CDH12: variants seen among roughly 807,000 people sequenced by gnomAD.
CDH12 encodes cadherin 12.
In CDH12, 41 loss-of-function variants were observed where a neutral mutation model predicts 74.1. That is an observed-to-expected ratio of 0.55 (90% confidence interval 0.43 to 0.72). The LOEUF (loss-of-function observed/expected upper bound fraction) is 0.72. Ranked by LOEUF, CDH12 falls within the 30% of genes least tolerant of loss-of-function variation. The pLI, the probability that CDH12 is intolerant of heterozygous loss-of-function variation, is 0.00. For synonymous variants in CDH12, 399 were observed against 355.0 expected, an observed-to-expected ratio of 1.12 and a Z score of -1.39; for missense variants, 945 against 977.2, an observed-to-expected ratio of 0.97 and a Z score of 0.44.
At chr5:22,000,192 C>A (rs1430098649) in intron 5 of CDH12, among the ~76,000 whole-genome samples, 2 of 152,078 alleles carry the variant, frequency 1.3e-5, no homozygotes, top group East Asian at 1.9e-4. Context: ...GAACTCCTGG[C>A]CTTAAGCTAG....
chr5:21,847,464 T>C (rs1750234535), intron 7 of CDH12, among the ~76,000 whole-genome samples: 1 of 152,084 alleles, frequency 6.6e-6, no homozygotes, highest in Non-Finnish European at 1.5e-5. Flanking sequence ...TGGGTAGAGC[T>C]GTGATTTTTT....
In CDH12 at chr5:22,630,811, T is replaced by C. The variant is rs541849198; in HGVS notation, c.-522-125447A>G. Among the ~76,000 whole-genome samples the C allele has an allele frequency of 2.0e-5, 3 of 152,200 alleles. No homozygotes were observed. In the South Asian group the frequency reaches 6.2e-4, roughly 32 times the overall value. On this transcript the variant is annotated intron_variant, in intron 1 of 14. Transcript: ENST00000382254. ...TGAGATTTAAGTAAACTAAAGAGGT[T>C]CTGCACAACAAAGGAAACTATCAAG...
Position 22,236,083 on chromosome 5 carries a change from G to T in CDH12, c.-332-23440C>A, listed in dbSNP as rs980054248. On this transcript the variant is annotated intron_variant, in intron 3 of 14. Transcript: ENST00000382254. ...GATTAAAAATGGCATACCTGTCTGC[G>T]GCACTTATTATGACTGGGGCTTGTA... Among the ~76,000 whole-genome samples, 3 of 151,886 alleles carry T rather than the reference G, an allele frequency of 2.0e-5. No individual in the cohort carries two copies. In the East Asian group the frequency reaches 5.8e-4, roughly 29 times the overall value.
At chr5:22,635,987 A>C (rs1738822272) in intron 1 of CDH12, among the ~76,000 whole-genome samples, 1 of 151,960 alleles carries the variant, frequency 6.6e-6, no homozygotes, top group Non-Finnish European at 1.5e-5. Context: ...ATATTATATA[A>C]AATTAAGAAA....
intron 4 of CDH12, among the ~76,000 whole-genome samples, chr5:22,154,450 TATATGTAC>T (rs1418854435): frequency 0.021 from 30 of 1,454 alleles, no homozygotes; most frequent in East Asian, 0.06. Flanking sequence ...TATACACATA[TATATGTAC>T]ACATATATAT....
At chr5:21,934,660 T>A (rs570909415) in intron 6 of CDH12, among the ~76,000 whole-genome samples, 1 of 152,296 alleles carries the variant, frequency 6.6e-6, no homozygotes, top group East Asian at 1.9e-4. Context: ...TGTCTGTGAG[T>A]TTATGTATAC....
chr5:22,783,115 T>C (rs1445423704), intron 1 of CDH12, among the ~76,000 whole-genome samples: 4 of 152,166 alleles, frequency 2.6e-5, no homozygotes, highest in South Asian at 4.1e-4. Context: ...TTCAATATCA[T>C]ATGAAAATGA....
chr5:22,140,726 CA>C (rs1405101179), intron 4 of CDH12, among the ~76,000 whole-genome samples: 2 of 152,144 alleles, frequency 1.3e-5, no homozygotes, highest in Non-Finnish European at 2.9e-5. Flanking sequence ...TTTATCACAA[CA>C]GAATGTTCTG....
At chr5:21,843,694 G>T (rs1750000943) in intron 7 of CDH12, among the ~76,000 whole-genome samples, 1 of 151,966 alleles carries the variant, frequency 6.6e-6, no homozygotes, top group African/African-American at 2.4e-5. Context: ...TTGTATTTTA[G>T]TAGAGATGGG....
At chr5:22,100,326 G>A (rs894747437) in intron 4 of CDH12, among the ~76,000 whole-genome samples, 6 of 152,114 alleles carry the variant, frequency 3.9e-5, no homozygotes, top group Non-Finnish European at 8.8e-5. Flanking sequence ...ATTGAGGACT[G>A]TGCGTAGAGA....
intron 4 of CDH12, chr5:22,152,037 T>G (rs1485920548): frequency 1.3e-5 from 2 of 152,116 alleles, no homozygotes; most frequent in Non-Finnish European, 2.9e-5. Flanking sequence ...TGCTATTTCA[T>G]GATAACAGCT....
chr5:22,633,437 T>C (rs115806660), intron 1 of CDH12, among the ~76,000 whole-genome samples: 1 of 152,224 alleles, frequency 6.6e-6, no homozygotes, highest in Non-Finnish European at 1.5e-5. Flanking sequence ...GTTAGTTTTA[T>C]ATGTCAACTT....
intron 4 of CDH12, among the ~76,000 whole-genome samples, chr5:22,155,563 T>C (rs568236515): frequency 5.9e-5 from 9 of 152,260 alleles, no homozygotes; most frequent in African/African-American, 9.6e-5. Flanking sequence ...TAGAGAAATA[T>C]AGTAATTTTT....
At chr5:22,401,311 C>T (rs536272050) in intron 3 of CDH12, among the ~76,000 whole-genome samples, 4 of 152,276 alleles carry the variant, frequency 2.6e-5, no homozygotes, top group South Asian at 2.1e-4. Flanking sequence ...CTTCCTCATT[C>T]TCTAAAATTT....
At chr5:21,832,382 T>C (rs1194249698) in intron 8 of CDH12, among the ~76,000 whole-genome samples, 1 of 152,072 alleles carries the variant, frequency 6.6e-6, no homozygotes, top group Non-Finnish European at 1.5e-5. Flanking sequence ...TATGCCTACA[T>C]CAGCCTATAT....
intron 1 of CDH12, among the ~76,000 whole-genome samples, chr5:22,641,058 A>G (rs1485863318): frequency 1.3e-5 from 2 of 152,152 alleles, no homozygotes; most frequent in Non-Finnish European, 2.9e-5. Context: ...GACCAATACG[A>G]TAGATAGACA....
chr5:22,652,079 G>C (rs1466637662), intron 1 of CDH12, among the ~76,000 whole-genome samples: 1 of 152,078 alleles, frequency 6.6e-6, no homozygotes, highest in African/African-American at 2.4e-5. Context: ...CATACATATA[G>C]TAACCATGAA....
chr5:21,824,527 C>A (rs1273963085), intron 8 of CDH12, among the ~76,000 whole-genome samples: 1 of 152,170 alleles, frequency 6.6e-6, no homozygotes, highest in African/African-American at 2.4e-5. Flanking sequence ...TTACTCATTT[C>A]TTGCCATTCC....
chr5:21,970,867 A>AAAAAAAAG (rs1756820254), intron 6 of CDH12, among the ~76,000 whole-genome samples: 1 of 148,128 alleles, frequency 6.8e-6, no homozygotes, highest in Non-Finnish European at 1.5e-5. Flanking sequence ...AAAAAAAAAA[A>AAAAAAAAG]AAAAAAAGAA....
Sources: gnomAD v4.1 joint callset for allele counts (sites outside exome capture counted in the v4.1 genomes callset) on GRCh38, gnomAD v4.1.1 for gene constraint, MANE v1.5 for transcripts, NCBI Gene and HGNC (gene_info 2026-07-23, HGNC 2026-07-21) for gene names.